The following ATP1A1 variants were observed in gnomAD, a reference collection of about 807,000 sequenced individuals.
ATP1A1 encodes the protein ATPase Na+/K+ transporting subunit alpha 1.
A neutral mutation model predicts 114.8 loss-of-function variants in ATP1A1; 14 were observed. That is an observed-to-expected ratio of 0.12 (90% CI 0.08 to 0.19). The LOEUF is 0.19. Among genes scored for constraint, ATP1A1 ranks in the 10% least tolerant of loss-of-function variants. The pLI is 1.00. For synonymous variants in ATP1A1, 471 were observed against 466.3 expected (o/e 1.01, Z -0.13); for missense variants, 524 against 1,290.7 (o/e 0.41, Z 9.10).
chr1:116,404,517 T>C lies in ATP1A1; in HGVS notation c.*73T>C, dbSNP rs999169184. ...CGACACCCACCCCCTCTTTGTGTAC[T>C]TCAGTCTTGGAGTTTGGAACTCTAC... On this transcript the variant is annotated 3_prime_UTR_variant, in exon 23 of 23. Coordinates refer to ENST00000295598, the MANE Select transcript of ATP1A1 (RefSeq NM_000701.8). The surrounding 1 kb of genome is among the most constrained non-coding windows in gnomAD (Gnocchi z 4.8). The C allele has an allele frequency of 1.6e-5, 25 of 1,550,290 alleles. No individual in the cohort carries two copies. The East Asian group carries it at 4.3e-4, about 27-fold the overall frequency.
chr1:116,396,718 A>T lies in ATP1A1; in HGVS notation c.1957A>T (p.Ser653Cys), dbSNP rs1652961646. The stretch of plus-strand genomic sequence containing the variant: ...TGCTGCCCGCCTCAACATCCCAGTC[A>T]GCCAGGTGAACCCCAGGTAAGGCAG... ...DIAARLNIPV[S>C]QVNPRDAKAC... Residue 653 changes from serine to cysteine, a missense_variant, in exon 14 of 23, where the codon AGC (serine) becomes TGC (cysteine). By Grantham distance (112) the Ser-to-Cys change is moderately radical (BLOSUM62 -1). Around this residue, in one of 8 missense-constraint regions of ATP1A1, gnomAD observed 47 missense variants for 79.8 expected, o/e 0.59. Transcript: ENST00000295598. 4.4e-6 allele frequency: 7 copies of T among 1,588,808 alleles called. No homozygotes were observed. The highest frequency in any genetic ancestry group is 4.3e-6 in the Non-Finnish European group (5 of 1,164,218).
chr1:116,397,157 C>T lies in ATP1A1; in HGVS notation c.1973+423C>T, dbSNP rs1394195246. On this transcript the variant is annotated intron_variant, in intron 14 of 22. Transcript: ENST00000295598. The surrounding 1 kb of genome is among the most constrained non-coding windows in gnomAD (Gnocchi z 4.2). ...CTAACAAAATAAAATAAGGAAGGGA[C>T]AATTACTTAGGCCATTCAGGCAAAC... Among the ~76,000 whole-genome samples, 1 of 152,098 alleles carries T rather than the reference C, an allele frequency of 6.6e-6. No homozygotes were observed. Among genetic ancestry groups the T allele is most frequent in the Non-Finnish European group, 1.5e-5 (1 of 68,022 alleles).
In ATP1A1 at chr1:116,404,746, T is replaced by C. The variant is rs1368673507; in HGVS notation, c.*302T>C. The C allele has an allele frequency of 4.7e-5, 55 of 1,172,918 alleles. No homozygotes were observed. The highest frequency in any genetic ancestry group is 5.5e-5 in the Non-Finnish European group (52 of 952,188). The allele number at this position is 1,172,918 out of a possible 1,614,324, so 72.7% of individuals were successfully genotyped here. A position where few individuals can be genotyped will look rare whatever the true frequency, so the allele number is the denominator to read the frequency against. On this transcript the variant is annotated 3_prime_UTR_variant, in exon 23 of 23. Transcript: ENST00000295598. The surrounding 1 kb of genome is among the most constrained non-coding windows in gnomAD (Gnocchi z 4.8). ...AGAATACATTTTATATCTGGATTTT[T>C]ACAAATAAAGATGGCTATTATAATG...
At position 116,381,304 on chromosome 1, in the gene ATP1A1, G is replaced by A. The variant is rs1179685119; in HGVS notation, c.13-2710G>A. 6.6e-6 allele frequency among the ~76,000 whole-genome samples: 1 copy of A among 152,144 alleles called. No homozygotes were observed. The highest frequency in any genetic ancestry group is 1.5e-5 in the Non-Finnish European group (1 of 68,028). ...TCTACCACTGTTCATCTCACGCAGT[G>A]TGCACTCCCTGACTCTGAATTTTGC... On this transcript the variant is annotated intron_variant, in intron 1 of 22. Coordinates refer to ENST00000295598, the MANE Select transcript of ATP1A1 (RefSeq NM_000701.8). The surrounding 1 kb of genome is among the most constrained non-coding windows in gnomAD (Gnocchi z 5.1).
chr1:116,387,385 G>A lies in ATP1A1; in HGVS notation c.281G>A (p.Arg94Gln), dbSNP rs145341046. 7 of 1,614,022 alleles carry A rather than the reference G, an allele frequency of 4.3e-6. No individual in the cohort carries two copies. Among genetic ancestry groups the A allele is most frequent in the South Asian group, 1.1e-5 (1 of 91,078 alleles). ...PTTPEWIKFC[R>Q]QLFGGFSMLL... is the part of the protein sequence containing the mutation. Reference sequence around the variant, plus strand: ...ACTCCTGAATGGATCAAGTTTTGTCGGCAGCTCTTTGGGGGGTTCTCAATG... The same window carrying A: ...ACTCCTGAATGGATCAAGTTTTGTCAGCAGCTCTTTGGGGGGTTCTCAATG... The change falls in exon 4 of 23, where the codon CGG becomes CAG. Residue 94 changes from arginine to glutamine, a missense_variant. Transcript: ENST00000295598. The surrounding 1 kb of genome is among the most constrained non-coding windows in gnomAD (Gnocchi z 6.7).
intron 1 of ATP1A1, among the ~76,000 whole-genome samples, chr1:116,378,190 A>G (rs1424787946): frequency 6.6e-6 from 1 of 152,130 alleles, no homozygotes; most frequent in Admixed American, 6.5e-5. Context: ...TTCACCCTAC[A>G]CTTTCTCTTT....
rs1242941768 is a variant in ATP1A1, at chr1:116,398,887, G to A, written c.2294-43G>A. 1.2e-6 allele frequency: 2 copies of A among 1,612,842 alleles called. No individual in the cohort carries two copies. Among genetic ancestry groups the A allele is most frequent in the Non-Finnish European group, 1.7e-6 (2 of 1,179,092 alleles). On this transcript the variant is annotated intron_variant, in intron 16 of 22. Transcript: ENST00000295598. This position sits in a 1 kb window ranked among gnomAD's most constrained non-coding sequence, Gnocchi z 6.1. The stretch of plus-strand genomic sequence containing the variant: ...CTTGGATATGTTCAGTTTCCAGTGT[G>A]CTTGTCTCATAAGCTAACAGTAAAA...
At position 116,389,959 on chromosome 1, in the gene ATP1A1, AAGG is replaced by A. The variant is rs1342360307; in HGVS notation, c.1024-251_1024-249del. 3 of 671,804 alleles carry A rather than the reference AAGG, an allele frequency of 4.5e-6. No individual in the cohort carries two copies. The highest frequency in any genetic ancestry group is 7.4e-6 in the Non-Finnish European group (3 of 404,878). The allele number at this position is 671,804 out of a possible 1,614,324, so 41.6% of individuals were successfully genotyped here. On this transcript the variant is annotated intron_variant, in intron 8 of 22. Coordinates refer to ENST00000295598, the MANE Select transcript of ATP1A1 (RefSeq NM_000701.8). The surrounding 1 kb of genome is among the most constrained non-coding windows in gnomAD (Gnocchi z 6.9). ...GTGGTCCTGAACAGTGCAGTGGAGA[AAGG>A]AGAAGAACTTGGGATCAAGTAGGGG...
intron 12 of ATP1A1, among the ~76,000 whole-genome samples, chr1:116,394,626 T>C (rs1156407120): frequency 6.6e-6 from 1 of 152,174 alleles, no homozygotes; most frequent in Non-Finnish European, 1.5e-5. Flanking sequence ...ATCTGATCTG[T>C]ACTTATCCTC....
chr1:116,375,428 A>G (rs1651301623), intron 1 of ATP1A1, among the ~76,000 whole-genome samples: 1 of 152,242 alleles, frequency 6.6e-6, no homozygotes, highest in Non-Finnish European at 1.5e-5. Context: ...ATTTATCTAG[A>G]TGTCTCCTTT....
chr1:116,374,385 C>G lies in ATP1A1; in HGVS notation c.12+862C>G, dbSNP rs533953730. 1,040 of 1,197,962 alleles carry G rather than the reference C, an allele frequency of 8.7e-4. 9 individuals are homozygous for G. The Middle Eastern group carries it at 0.015, about 17-fold the overall frequency. The allele number at this position is 1,197,962 out of a possible 1,614,324, so 74.2% of individuals were successfully genotyped here. A position where few individuals can be genotyped will look rare whatever the true frequency, so the allele number is the denominator to read the frequency against. Reference sequence around the variant, plus strand: ...CCTGAAGGAGGATAGGCAGACCCACCAGGGCCTCAGGGTACAAGAAACCCG... The same window carrying G: ...CCTGAAGGAGGATAGGCAGACCCACGAGGGCCTCAGGGTACAAGAAACCCG... On this transcript the variant is annotated intron_variant, in intron 1 of 22. Coordinates refer to ENST00000295598, the MANE Select transcript of ATP1A1 (RefSeq NM_000701.8).
chr1:116,389,163 C>T lies in ATP1A1; in HGVS notation c.754+144C>T. 1.1e-6 allele frequency: 1 copy of T among 943,420 alleles called. No homozygotes were observed. The highest frequency in any genetic ancestry group is 1.6e-6 in the Non-Finnish European group (1 of 614,550). 58.4% of individuals were successfully genotyped at this position (943,420 alleles called of 1,614,324 possible). ...GCACAGAGCAGAGGTGTTTTCCTAG[C>T]TGGCAGGAAACCTTGTGGCAGTTTC... On this transcript the variant is annotated intron_variant, in intron 7 of 22. Coordinates refer to ENST00000295598, the MANE Select transcript of ATP1A1 (RefSeq NM_000701.8). This position sits in a 1 kb window ranked among gnomAD's most constrained non-coding sequence, Gnocchi z 6.9.
Position 116,388,915 on chromosome 1 carries a change from C to T in ATP1A1, c.650C>T (p.Ser217Leu), listed in dbSNP as rs1452922227. 2 of 1,614,140 alleles carry T rather than the reference C, an allele frequency of 1.2e-6. No individual in the cohort carries two copies. The highest frequency in any genetic ancestry group is 1.7e-6 in the Non-Finnish European group (2 of 1,180,016). The stretch of plus-strand genomic sequence containing the variant: ...CCTCACATATAGGTGGATAACTCCT[C>T]GCTCACTGGTGAATCAGAACCCCAG... ...SANGCKVDNSSLTGESEPQTR... is the reference protein window; with the variant it reads ...SANGCKVDNSLLTGESEPQTR... Residue 217 changes from serine (S) to leucine (L), a missense_variant, in exon 7 of 23, where the codon TCG becomes TTG. By Grantham distance (145) the Ser-to-Leu change is moderately radical. Coordinates refer to ENST00000295598, the MANE Select transcript of ATP1A1 (RefSeq NM_000701.8). This position sits in a 1 kb window ranked among gnomAD's most constrained non-coding sequence, Gnocchi z 5.6.
rs577070433 is a variant in ATP1A1 at position 116,402,465 on chromosome 1, T to C, written c.2951+810T>C. Among the ~76,000 whole-genome samples the C allele has an allele frequency of 3.7e-3, 560 of 152,310 alleles. 2 individuals are homozygous for C. Among genetic ancestry groups the C allele is most frequent in the African/African-American group, 0.013 (543 of 41,558 alleles). On this transcript the variant is annotated intron_variant, in intron 21 of 22. Coordinates refer to ENST00000295598, the MANE Select transcript of ATP1A1 (RefSeq NM_000701.8). Reference sequence around the variant, plus strand: ...GTCTGGACCATCTCTCAATCCCCTGTTGCCAGCACTTCCTTCAGCTCATCT... The same window carrying C: ...GTCTGGACCATCTCTCAATCCCCTGCTGCCAGCACTTCCTTCAGCTCATCT...
intron 9 of ATP1A1, 117 bp downstream of exon 9, chr1:116,390,528 T>TA: frequency 2.8e-6 from 3 of 1,071,428 alleles, no homozygotes; most frequent in Non-Finnish European, 3.9e-6. Context: ...GCTTTTTCTT[T>TA]CTTTTTTGTT....
chr1:116,394,448 T>C (rs1252817248), intron 12 of ATP1A1, among the ~76,000 whole-genome samples: 1 of 151,728 alleles, frequency 6.6e-6, no homozygotes, highest in Non-Finnish European at 1.5e-5. Context: ...TAAGTGTTTT[T>C]CACTTCCCTA....
chr1:116,375,119 C>A (rs1164389673), intron 1 of ATP1A1, among the ~76,000 whole-genome samples: 1 of 152,172 alleles, frequency 6.6e-6, no homozygotes, highest in African/African-American at 2.4e-5. Context: ...CTTTGTCTCT[C>A]CTGCCTTAAA....
chr1:116,404,310 G>GACC lies in ATP1A1; in HGVS notation c.3044-105_3044-103dup. 2.9e-6 allele frequency: 4 copies of GACC among 1,397,486 alleles called. No homozygotes were observed. Among genetic ancestry groups the GACC allele is most frequent in the Non-Finnish European group, 4.0e-6 (4 of 994,228 alleles). 86.6% of individuals were successfully genotyped at this position (1,397,486 alleles called of 1,614,324 possible). ...CCCATGTTTGGATTTTAACACACCC[G>GACC]ACCCCCATCATCCTCCGGTTGGTTT... On this transcript the variant is annotated intron_variant, in intron 22 of 22. Transcript: ENST00000295598. The surrounding 1 kb of genome is among the most constrained non-coding windows in gnomAD (Gnocchi z 4.8).
intron 21 of ATP1A1, among the ~76,000 whole-genome samples, chr1:116,402,586 G>C (rs1653585947): frequency 6.6e-6 from 1 of 152,164 alleles, no homozygotes; most frequent in Admixed American, 6.5e-5. Context: ...GGCATCCAGA[G>C]TCAGTCTCAT....
Sources: allele counts gnomAD v4.1 joint callset (sites outside exome capture counted in the v4.1 genomes callset), GRCh38; gene constraint gnomAD v4.1.1; regional missense constraint gnomAD v4.1.1; non-coding constraint Gnocchi (gnomAD v3.1); transcripts MANE v1.5; gene names NCBI Gene and HGNC (gene_info 2026-07-23, HGNC 2026-07-21).